Variants in MTMR3 observed in about 807,000 individuals in gnomAD.
MTMR3 encodes the protein phosphatidylinositol-3,5-bisphosphate 3-phosphatase MTMR3.
Under a neutral mutation model 132.4 loss-of-function variants are expected in MTMR3, and 32 were observed. The ratio of observed to expected loss-of-function variants is 0.24; its 90% CI spans 0.18 to 0.32. The LOEUF (loss-of-function observed/expected upper bound fraction) is 0.32, where lower values mean the gene tolerates loss of function less well. Ranked by LOEUF, MTMR3 falls within the 10% of genes least tolerant of loss-of-function variation. MTMR3 has a pLI of 1.00. For synonymous variants in MTMR3, 556 were observed against 550.3 expected, an observed-to-expected ratio of 1.01 and a Z score of -0.14; for missense variants, 1,216 against 1,489.6, an observed-to-expected ratio of 0.82 and a Z score of 3.02.
chr22:29,974,060 G>A (rs1431518225), intron 3 of MTMR3, among the ~76,000 whole-genome samples: 1 of 152,118 alleles, frequency 6.6e-6, no homozygotes, highest in African/African-American at 2.4e-5. Flanking sequence ...CTGACTTTAT[G>A]GAGGTGGATG....
At chr22:29,886,134 AG>A (rs2064672447) in intron 1 of MTMR3, among the ~76,000 whole-genome samples, 1 of 152,226 alleles carries the variant, frequency 6.6e-6, no homozygotes, top group South Asian at 2.1e-4. Flanking sequence ...TATGGGAAAA[AG>A]AACAGTTATG....
At chr22:29,992,763 A>G (rs1428582831) in intron 7 of MTMR3, 1 of 152,198 alleles carries the variant, frequency 6.6e-6, no homozygotes, top group Non-Finnish European at 1.5e-5. Flanking sequence ...TAATCTTGCT[A>G]TGCTTTTGTT....
At chr22:29,929,118 A>G (rs1293138867) in intron 1 of MTMR3, among the ~76,000 whole-genome samples, 2 of 151,884 alleles carry the variant, frequency 1.3e-5, no homozygotes, top group South Asian at 2.1e-4. Context: ...TGTCTCTACT[A>G]AAAAATACAA....
At chr22:29,933,316 A>C (rs1315058185) in intron 1 of MTMR3, among the ~76,000 whole-genome samples, 1 of 151,770 alleles carries the variant, frequency 6.6e-6, no homozygotes, top group Non-Finnish European at 1.5e-5. Flanking sequence ...GGCAAAAAAA[A>C]CTGTGAAGAA....
intron 1 of MTMR3, among the ~76,000 whole-genome samples, chr22:29,924,584 A>G (rs777995306): frequency 3.9e-5 from 6 of 152,124 alleles, no homozygotes; most frequent in Non-Finnish European, 8.8e-5. Context: ...GAATTTTTCT[A>G]TTTCTGCATA....
intron 2 of MTMR3, among the ~76,000 whole-genome samples, chr22:29,960,596 A>G (rs1368182200): frequency 1.3e-5 from 2 of 152,306 alleles, no homozygotes; most frequent in East Asian, 3.9e-4. Flanking sequence ...ATACTAATTT[A>G]AAAAGTGCTT....
intron 13 of MTMR3, 67 bp from the exon 14 acceptor site, chr22:30,013,289 C>A: frequency 6.6e-7 from 1 of 1,519,534 alleles, no homozygotes; most frequent in Non-Finnish European, 9.0e-7. Flanking sequence ...TCTGTGACAC[C>A]AGGCTTAGGA....
At chr22:29,915,486 A>G (rs2065291314) in intron 1 of MTMR3, among the ~76,000 whole-genome samples, 1 of 152,164 alleles carries the variant, frequency 6.6e-6, no homozygotes, top group South Asian at 2.1e-4. Flanking sequence ...CAGTGATGCC[A>G]TCTTGGCTCA....
rs748599064 is a variant in MTMR3, at chr22:30,019,790, G to C, written c.2131G>C (p.Gly711Arg). The C allele has an allele frequency of 4.3e-6, 7 of 1,614,222 alleles. No homozygotes were observed. Among genetic ancestry groups the C allele is most frequent in the Non-Finnish European group, 5.9e-6 (7 of 1,180,036 alleles). The change falls in exon 17 of 20, where the codon GGC becomes CGC. Residue 711 changes from glycine (G) to arginine (R), a missense_variant. Gly to Arg is a moderately radical substitution (Grantham distance 125). Around this residue, in one of 7 missense-constraint regions of MTMR3, gnomAD observed 852 missense variants for 852.0 expected, o/e 1.00. Coordinates refer to ENST00000401950, the MANE Select transcript of MTMR3 (RefSeq NM_021090.4). Reference protein sequence around the residue: ...SGVEEPAHRAGIEIQEGKEDP... With the variant: ...SGVEEPAHRARIEIQEGKEDP... Reference sequence around the variant, plus strand: ...AGTAGAGGAACCTGCCCACAGGGCAGGCATTGAGATACAGGAGGGTAAAGA... The same window carrying C: ...AGTAGAGGAACCTGCCCACAGGGCACGCATTGAGATACAGGAGGGTAAAGA...
chr22:30,008,161 C>A, intron 11 of MTMR3, 129 bp downstream of exon 11: 1 of 1,202,844 alleles, frequency 8.3e-7, no homozygotes, highest in Non-Finnish European at 1.2e-6. Flanking sequence ...CGTGAGAGTG[C>A]CAGAGCTTCT....
At chr22:29,956,697 G>T (rs1372622430) in intron 1 of MTMR3, among the ~76,000 whole-genome samples, 1 of 152,136 alleles carries the variant, frequency 6.6e-6, no homozygotes, top group South Asian at 2.1e-4. Flanking sequence ...TAAAGTACCT[G>T]TTCCTGTATT....
At chr22:29,932,803 A>G (rs2065671782) in intron 1 of MTMR3, among the ~76,000 whole-genome samples, 3 of 152,272 alleles carry the variant, frequency 2.0e-5, no homozygotes, top group South Asian at 2.1e-4. Context: ...TAGAAATAAT[A>G]TAAGGAACTC....
intron 1 of MTMR3, among the ~76,000 whole-genome samples, chr22:29,935,462 G>C (rs1169387354): frequency 6.6e-6 from 1 of 152,190 alleles, no homozygotes. Context: ...AAAAGTGCTA[G>C]TGTATGTTTT....
chr22:30,007,427 T>TG, intron 10 of MTMR3, 108 bp downstream of exon 10: 1 of 1,077,560 alleles, frequency 9.3e-7, no homozygotes, highest in Non-Finnish European at 1.4e-6. Context: ...TAGAAGTGAA[T>TG]GTGCAGAGCT....
intron 1 of MTMR3, among the ~76,000 whole-genome samples, chr22:29,897,517 A>G (rs1220772398): frequency 3.3e-5 from 5 of 152,030 alleles, no homozygotes; most frequent in South Asian, 2.1e-4. Flanking sequence ...CAGTGGCGCA[A>G]TCTCTGCTCA....
At chr22:29,954,059 C>CTTTTTTTTTTTTTTTTTTTT (rs59781649) in intron 1 of MTMR3, among the ~76,000 whole-genome samples, 2 of 79,426 alleles carry the variant, frequency 2.5e-5, no homozygotes, top group African/African-American at 1.1e-4. Context: ...TCAAATGAGT[C>CTTTTTTTTTTTTTTTTTTTT]TTTTTTTTTT....
intron 1 of MTMR3, among the ~76,000 whole-genome samples, chr22:29,952,945 G>GA (rs1003962564): frequency 4.6e-5 from 7 of 152,092 alleles, no homozygotes; most frequent in African/African-American, 1.7e-4. Context: ...CTAACAAGCT[G>GA]AAAAAAATCA....
chr22:29,926,366 G>A (rs1316739670), intron 1 of MTMR3, among the ~76,000 whole-genome samples: 1 of 152,092 alleles, frequency 6.6e-6, no homozygotes, highest in Non-Finnish European at 1.5e-5. Context: ...AGATTTTTGT[G>A]GGGACACACG....
chr22:30,005,760 C>T (rs2067260956), intron 9 of MTMR3: 1 of 152,140 alleles, frequency 6.6e-6, no homozygotes, highest in Non-Finnish European at 1.5e-5. Context: ...AAACAAATTA[C>T]AGTACATTTT....
Sources: gnomAD v4.1 joint callset for allele counts (sites outside exome capture counted in the v4.1 genomes callset) on GRCh38, gnomAD v4.1.1 for gene constraint, gnomAD v4.1.1 regional missense constraint, MANE v1.5 for transcripts, NCBI Gene and HGNC (gene_info 2026-07-23, HGNC 2026-07-21) for gene names.